Variants in HS3ST5 observed in about 807,000 individuals in gnomAD.
HS3ST5 encodes heparan sulfate-glucosamine 3-sulfotransferase 5, also known as heparan sulfate glucosamine 3-O-sulfotransferase 5.
Under a neutral mutation model 25.4 loss-of-function variants are expected in HS3ST5, and 10 were observed. The observed-to-expected ratio is 0.39, with a 90% CI of 0.24 to 0.67. HS3ST5 has a LOEUF of 0.67. Among genes scored for constraint, HS3ST5 ranks in the 30% least tolerant of loss-of-function variants. HS3ST5 has a pLI of 0.44. For missense variants in HS3ST5, 324 were observed against 420.7 expected, an observed-to-expected ratio of 0.77 and a Z score of 2.01; for synonymous variants, 170 against 162.4, an observed-to-expected ratio of 1.05 and a Z score of -0.36.
rs1772774655 is a variant in HS3ST5, at chr6:114,056,418, G to A, written c.*839C>T. The A allele has an allele frequency of 6.7e-6, 1 of 149,664 alleles. No individual in the cohort carries two copies. The highest frequency in any genetic ancestry group is 2.5e-5 in the African/African-American group (1 of 40,676). The allele number at this position is 149,664 out of a possible 1,614,324, so 9.3% of individuals were successfully genotyped here. ...AGCTTCCATTTTGGAAGCCAGCAGG[G>A]GGCACGTAAAACAAAATGAGTAAAA... On this transcript the variant is annotated 3_prime_UTR_variant, in exon 5 of 5. Coordinates refer to ENST00000312719, the MANE Select transcript of HS3ST5 (RefSeq NM_153612.4).
chr6:114,264,190 T>C (rs1226769349), intron 1 of HS3ST5, among the ~76,000 whole-genome samples: 1 of 152,232 alleles, frequency 6.6e-6, no homozygotes, highest in African/African-American at 2.4e-5. Context: ...TATATGCAGA[T>C]AATACATAAT....
intron 1 of HS3ST5, among the ~76,000 whole-genome samples, chr6:114,337,221 C>T (rs1440653378): frequency 6.6e-6 from 1 of 152,036 alleles, no homozygotes. Flanking sequence ...TAAAACTGTG[C>T]AATTATAAAG....
At chr6:114,289,534 C>T (rs1774481572) in intron 1 of HS3ST5, among the ~76,000 whole-genome samples, 1 of 152,104 alleles carries the variant, frequency 6.6e-6, no homozygotes, top group South Asian at 2.1e-4. Flanking sequence ...CAACTTCTTC[C>T]AGCGTATCTG....
At position 114,263,443 on chromosome 6, in the gene HS3ST5, GTGAAT is replaced by G. The variant is rs547998645; in HGVS notation, c.-338-34670_-338-34666del. Among the ~76,000 whole-genome samples, 55 of 152,284 alleles carry G rather than the reference GTGAAT, an allele frequency of 3.6e-4. 1 individual carries two copies. The highest frequency in any genetic ancestry group is 3.5e-3 in the Admixed American group (54 of 15,296). ...AAAACCCTTGTTAGCTTGTGAAGCA[GTGAAT>G]TATCCAGTTCTCCAGATAAGAGAAA... On this transcript the variant is annotated intron_variant, in intron 1 of 4. Transcript: ENST00000312719.
intron 3 of HS3ST5, among the ~76,000 whole-genome samples, chr6:114,137,222 C>G (rs1358397080): frequency 6.6e-6 from 1 of 152,158 alleles, no homozygotes; most frequent in Admixed American, 6.5e-5. Flanking sequence ...CCAATTTCTT[C>G]TCCCCCCCGC....
At chr6:114,177,693 GT>G (rs1427549360) in intron 2 of HS3ST5, among the ~76,000 whole-genome samples, 1 of 152,182 alleles carries the variant, frequency 6.6e-6, no homozygotes, top group African/African-American at 2.4e-5. Context: ...TGTGAGAGGT[GT>G]TCTAGTTATG....
chr6:114,339,499 G>T (rs1177320194), intron 1 of HS3ST5, among the ~76,000 whole-genome samples: 2 of 152,090 alleles, frequency 1.3e-5, no homozygotes, highest in African/African-American at 2.4e-5. Flanking sequence ...CTGTTTCTGA[G>T]ATTGTAAAAA....
intron 1 of HS3ST5, among the ~76,000 whole-genome samples, chr6:114,276,900 C>T (rs370204367): frequency 1.3e-5 from 2 of 151,846 alleles, no homozygotes; most frequent in African/African-American, 4.8e-5. Context: ...AATAATGGAA[C>T]GATGGTCAGC....
chr6:114,120,363 A>T (rs569424855), intron 3 of HS3ST5, among the ~76,000 whole-genome samples: 1 of 152,340 alleles, frequency 6.6e-6, no homozygotes, highest in East Asian at 1.9e-4. Context: ...CCCTACATTT[A>T]TACAGTAATT....
chr6:114,106,712 A>C (rs577922962), intron 3 of HS3ST5, among the ~76,000 whole-genome samples: 63 of 152,200 alleles, frequency 4.1e-4, no homozygotes, highest in African/African-American at 1.5e-3. Flanking sequence ...TCACTTATTC[A>C]AGGTAATTAT....
In HS3ST5 at chr6:114,084,292, G is replaced by T. The variant is rs961737113; in HGVS notation, c.-32-21415C>A. 1.3e-4 allele frequency: 101 copies of T among 786,200 alleles called. No individual in the cohort carries two copies. In the Middle Eastern group the frequency reaches 2.1e-3, roughly 16 times the overall value. 48.7% of individuals were successfully genotyped at this position (786,200 alleles called of 1,614,324 possible). A position where few individuals can be genotyped will look rare whatever the true frequency, so the allele number is the denominator to read the frequency against. ...AGGGAACTGCTGAATAGTCACAGAG[G>T]GCACCTGCACACCTTCAGACCAGTC... On this transcript the variant is annotated intron_variant, in intron 3 of 4. Coordinates refer to ENST00000312719, the MANE Select transcript of HS3ST5 (RefSeq NM_153612.4).
chr6:114,126,523 T>C lies in HS3ST5; in HGVS notation c.-33+41828A>G, dbSNP rs993763732. Among the ~76,000 whole-genome samples, 34 of 152,322 alleles carry C rather than the reference T, an allele frequency of 2.2e-4. 1 individual carries two copies. Among genetic ancestry groups the C allele is most frequent in the African/African-American group, 7.7e-4 (32 of 41,580 alleles). On this transcript the variant is annotated intron_variant, in intron 3 of 4. Transcript: ENST00000312719. The stretch of plus-strand genomic sequence containing the variant: ...TTTGAAGAAATTACTTAAGCATTCT[T>C]GGGACTGTTTATTCATTTGTTACAT...
At chr6:114,340,842 A>C (rs1296902192) in intron 1 of HS3ST5, 3 of 152,140 alleles carry the variant, frequency 2.0e-5, no homozygotes, top group Non-Finnish European at 2.9e-5. Context: ...AATTTGTCTA[A>C]AGCTCTGAAA....
chr6:114,186,164 C>CT (rs1239277750), intron 2 of HS3ST5, among the ~76,000 whole-genome samples: 2 of 151,964 alleles, frequency 1.3e-5, no homozygotes, highest in Non-Finnish European at 2.9e-5. Context: ...ACAGTGGCCT[C>CT]TAAGTATTCA....
At chr6:114,297,206 GT>G (rs890320287) in intron 1 of HS3ST5, among the ~76,000 whole-genome samples, 33 of 147,478 alleles carry the variant, frequency 2.2e-4, no homozygotes, top group Middle Eastern at 3.5e-3. Context: ...ATATATGAGT[GT>G]TTTTTTTTTA....
intron 1 of HS3ST5, among the ~76,000 whole-genome samples, chr6:114,327,619 T>C (rs1487143600): frequency 2.0e-5 from 3 of 152,156 alleles, no homozygotes; most frequent in Non-Finnish European, 4.4e-5. Context: ...GAAAACACGC[T>C]ATATTATCCC....
intron 3 of HS3ST5, among the ~76,000 whole-genome samples, chr6:114,113,895 A>G (rs1018465458): frequency 2.0e-5 from 3 of 152,046 alleles, no homozygotes; most frequent in Non-Finnish European, 2.9e-5. Flanking sequence ...ATGCCTGTGT[A>G]TCATTACATT....
intron 3 of HS3ST5, among the ~76,000 whole-genome samples, chr6:114,063,535 C>CA (rs1420582037): frequency 6.8e-6 from 1 of 147,076 alleles, no homozygotes; most frequent in Non-Finnish European, 1.5e-5. Flanking sequence ...AAAAAAAGAG[C>CA]AACTTGAGGC....
chr6:114,201,299 T>C (rs1385264237), intron 2 of HS3ST5, among the ~76,000 whole-genome samples: 1 of 152,178 alleles, frequency 6.6e-6, no homozygotes, highest in Non-Finnish European at 1.5e-5. Flanking sequence ...AGTAAAGAAA[T>C]CTTGCTGGGT....
Sources: allele counts gnomAD v4.1 joint callset (sites outside exome capture counted in the v4.1 genomes callset), GRCh38; gene constraint gnomAD v4.1.1; transcripts MANE v1.5; gene names NCBI Gene and HGNC (gene_info 2026-07-23, HGNC 2026-07-21).